Variants in LHFPL5 observed in about 807,000 individuals in gnomAD.
LHFPL5 encodes the protein LHFPL tetraspan subfamily member 5 protein.
Under a neutral mutation model 18.7 loss-of-function variants are expected in LHFPL5, and 12 were observed. That is an observed-to-expected ratio of 0.64 (90% CI 0.41 to 1.04). LHFPL5 has a LOEUF of 1.04. Among genes scored for constraint, LHFPL5 ranks in the 50% least tolerant of loss-of-function variants. The pLI is 0.00. For missense variants in LHFPL5, 259 were observed against 292.1 expected (o/e 0.89, Z 0.83); for synonymous variants, 111 against 120.2 (o/e 0.92, Z 0.50).
chr6:35,814,745 C>T lies in LHFPL5; in HGVS notation c.612C>T (p.Asp204=). 2 of 1,614,140 alleles carry T rather than the reference C, an allele frequency of 1.2e-6. No homozygotes were observed. Among genetic ancestry groups the T allele is most frequent in the Non-Finnish European group, 1.7e-6 (2 of 1,180,020 alleles). ...FLAFVLGYRQ[D]KLLPDDYKAD... ...CCTTCGTGTTGGGCTACCGGCAGGA[C>T]AAGCTCCTCCCTGACGACTACAAGG... The change falls in exon 2 of 4, where the codon GAC becomes GAT. Residue 204 remains aspartate, a synonymous_variant. Transcript: ENST00000360215. The surrounding 1 kb of genome is among the most constrained non-coding windows in gnomAD (Gnocchi z 4.2).
chr6:35,820,700 A>AAAATAAATAAAT (rs10682489), intron 3 of LHFPL5, among the ~76,000 whole-genome samples: 7 of 148,222 alleles, frequency 4.7e-5, no homozygotes, highest in African/African-American at 1.7e-4. Flanking sequence ...ACTCCATCTC[A>AAAATAAATAAAT]AAATAAATAA....
chr6:35,820,061 C>T (rs1027711901), intron 3 of LHFPL5, among the ~76,000 whole-genome samples: 4 of 152,118 alleles, frequency 2.6e-5, no homozygotes, highest in Admixed American at 2.6e-4. Flanking sequence ...TGGAGCCTGG[C>T]ACACAAGAAC....
intron 3 of LHFPL5, among the ~76,000 whole-genome samples, chr6:35,822,538 C>T (rs1247509809): frequency 6.6e-6 from 1 of 152,120 alleles, no homozygotes; most frequent in Non-Finnish European, 1.5e-5. Flanking sequence ...GATAGCATCT[C>T]GCTCTGTCGT....
chr6:35,819,614 G>T lies in LHFPL5; in HGVS notation c.*16+151G>T, dbSNP rs187150918. On this transcript the variant is annotated intron_variant, in intron 3 of 3. Transcript: ENST00000360215. ...GAGAGAGGACCAACACCCCACTGGG[G>T]CAGGAGCTATTTGGCCTCTGAGACC... The T allele has an allele frequency of 6.5e-4, 485 of 748,984 alleles. 2 individuals are homozygous for T. In the African/African-American group the frequency reaches 7.0e-3, roughly 11 times the overall value. 46.4% of individuals were successfully genotyped at this position (748,984 alleles called of 1,614,324 possible).
chr6:35,810,336 C>T (rs1315419628), intron 1 of LHFPL5, among the ~76,000 whole-genome samples: 1 of 152,168 alleles, frequency 6.6e-6, no homozygotes, highest in Non-Finnish European at 1.5e-5. Flanking sequence ...AGCAGCAGTA[C>T]CCACTTCAGG....
intron 1 of LHFPL5, among the ~76,000 whole-genome samples, chr6:35,810,671 T>C (rs1345082778): frequency 1.3e-5 from 2 of 150,786 alleles, no homozygotes; most frequent in Non-Finnish European, 3.0e-5. Context: ...AATACAAAAA[T>C]AAAAAATTAG....
rs753689088 is a variant in LHFPL5 at position 35,805,927 on chromosome 6, TCTC to T, written c.262_264del (p.Ser88del). 1.2e-6 allele frequency: 2 copies of T among 1,614,202 alleles called. No individual in the cohort carries two copies. The highest frequency in any genetic ancestry group is 1.7e-5 in the Admixed American group (1 of 60,012). On this transcript the variant is annotated inframe_deletion, in exon 1 of 4. Transcript: ENST00000360215. The surrounding 1 kb of genome is among the most constrained non-coding windows in gnomAD (Gnocchi z 4.3). ...ATCTGCAAGGGCGGCCCCCTAGACT[TCTC>T]CTCCATCCCCTCTAGAGCCTTCAAG...
chr6:35,821,481 G>GTA (rs1554147698), intron 3 of LHFPL5, among the ~76,000 whole-genome samples: 37 of 147,084 alleles, frequency 2.5e-4, no homozygotes, highest in South Asian at 1.1e-3. Context: ...GTGTGTGTGT[G>GTA]TGTGTGTGTG....
intron 1 of LHFPL5, among the ~76,000 whole-genome samples, chr6:35,813,878 C>T (rs748752424): frequency 3.9e-4 from 57 of 147,772 alleles, no homozygotes; most frequent in Non-Finnish European, 7.3e-4. Context: ...CTCACCGCAA[C>T]CTCTGCCTGC....
intron 3 of LHFPL5, among the ~76,000 whole-genome samples, chr6:35,822,108 C>T (rs553602402): frequency 1.3e-5 from 2 of 151,906 alleles, no homozygotes; most frequent in South Asian, 2.1e-4. Context: ...AGGATGTTCT[C>T]GAACTCCTGG....
At chr6:35,806,220 C>A in intron 1 of LHFPL5, 138 bp downstream of exon 1, 1 of 912,310 alleles carries the variant, frequency 1.1e-6, no homozygotes, top group Non-Finnish European at 1.7e-6. Context: ...CAGTGCTCTG[C>A]AGAAGATTCT....
At chr6:35,810,831 A>G (rs1768653725) in intron 1 of LHFPL5, among the ~76,000 whole-genome samples, 3 of 151,042 alleles carry the variant, frequency 2.0e-5, no homozygotes, top group Admixed American at 1.3e-4. Context: ...CGTCTCAAAA[A>G]AAAAAAAAAA....
intron 1 of LHFPL5, among the ~76,000 whole-genome samples, chr6:35,807,584 T>C (rs1031084003): frequency 5.3e-5 from 8 of 152,124 alleles, no homozygotes; most frequent in Non-Finnish European, 7.3e-5. Flanking sequence ...AGTGCTGTCA[T>C]CTTTAAGAGG....
Position 35,814,660 on chromosome 6 carries a change from G to T in LHFPL5, c.527G>T (p.Arg176Leu), listed in dbSNP as rs774466373. ...TACACGCTGGGCCACTGCACCATCC[G>T]CTGGGCCTTCATGCTGGCCATCCTC... is the stretch of plus-strand genomic sequence containing the variant. ...GKYTLGHCTI[R>L]WAFMLAILSI... The change falls in exon 2 of 4, where the codon CGC becomes CTC. Residue 176 changes from arginine (R) to leucine (L), a missense_variant. Arg to Leu is a moderately radical substitution (Grantham distance 102, BLOSUM62 -2). Transcript: ENST00000360215. The surrounding 1 kb of genome is among the most constrained non-coding windows in gnomAD (Gnocchi z 4.2). 23 of 1,614,116 alleles carry T rather than the reference G, an allele frequency of 1.4e-5. No individual in the cohort carries two copies. The highest frequency in any genetic ancestry group is 3.3e-4 in the Middle Eastern group (2 of 6,062).
chr6:35,820,731 A>G (rs1229465339), intron 3 of LHFPL5, among the ~76,000 whole-genome samples: 4 of 149,652 alleles, frequency 2.7e-5, no homozygotes, highest in South Asian at 4.3e-4. Context: ...AAAATAGAAT[A>G]AAATAAAATT....
At position 35,814,025 on chromosome 6, in the gene LHFPL5, A is replaced by G. The variant is rs2766527; in HGVS notation, c.413-521A>G. Among the ~76,000 whole-genome samples the G allele has an allele frequency of 0.39, 59,310 of 151,748 alleles. 11,926 individuals carry two copies. Among genetic ancestry groups the G allele is most frequent in the South Asian group, 0.5 (2,390 of 4,812 alleles). The stretch of plus-strand genomic sequence containing the variant: ...TTGGTCAGGCTGGTCTCAAACTCCC[A>G]ACCTCAGGTGATCTGCCCGCCTCGA... On this transcript the variant is annotated intron_variant, in intron 1 of 3. Coordinates refer to ENST00000360215, the MANE Select transcript of LHFPL5 (RefSeq NM_182548.4). This position sits in a 1 kb window ranked among gnomAD's most constrained non-coding sequence, Gnocchi z 4.2.
rs1010941501 is a variant in LHFPL5, at chr6:35,808,371, G to A, written c.412+2289G>A. Among the ~76,000 whole-genome samples the A allele has an allele frequency of 2.1e-5, 3 of 146,326 alleles. No individual in the cohort carries two copies. In the East Asian group the frequency reaches 5.9e-4, roughly 29 times the overall value. On this transcript the variant is annotated intron_variant, in intron 1 of 3. Transcript: ENST00000360215. ...ATAAATAAAAATAATAATAAGGCCA[G>A]CTGCAGTGGCTCAGGCCTGTAATCC...
At chr6:35,807,309 G>A (rs570398742) in intron 1 of LHFPL5, among the ~76,000 whole-genome samples, 1 of 152,138 alleles carries the variant, frequency 6.6e-6, no homozygotes, top group East Asian at 1.9e-4. Context: ...AAAACTGTGG[G>A]GTAGGCAGCT....
chr6:35,810,007 A>T (rs980495970), intron 1 of LHFPL5, among the ~76,000 whole-genome samples: 1 of 152,224 alleles, frequency 6.6e-6, no homozygotes, highest in East Asian at 1.9e-4. Flanking sequence ...GACGATTTCA[A>T]ATTTGCTGTT....
Sources: gnomAD v4.1 joint callset for allele counts (sites outside exome capture counted in the v4.1 genomes callset) on GRCh38, gnomAD v4.1.1 for gene constraint, Gnocchi (gnomAD v3.1) non-coding constraint, MANE v1.5 for transcripts, NCBI Gene and HGNC (gene_info 2026-07-23, HGNC 2026-07-21) for gene names.